KIRREL2: variants seen among roughly 807,000 people sequenced by gnomAD.
KIRREL2 encodes kirre like nephrin family adhesion molecule 2.
In KIRREL2, 56 loss-of-function variants were observed where a neutral mutation model predicts 73.4. That is an observed-to-expected ratio of 0.76 (90% CI 0.62 to 0.95). The LOEUF (loss-of-function observed/expected upper bound fraction) is 0.95, where lower values mean the gene tolerates loss of function less well. KIRREL2 is among the 40% of genes least tolerant of loss of function. The pLI is 0.00. For synonymous variants in KIRREL2, 407 were observed against 404.0 expected, an observed-to-expected ratio of 1.01 and a Z score of -0.09; for missense variants, 896 against 935.0, an observed-to-expected ratio of 0.96 and a Z score of 0.54.
At chr19:35,858,895 C>G in intron 4 of KIRREL2, 31 bp downstream of exon 4, 1 of 1,610,916 alleles carries the variant, frequency 6.2e-7, no homozygotes, top group South Asian at 1.1e-5. Flanking sequence ...CTAGCCTTTG[C>G]CCATTGAGGG....
intron 13 of KIRREL2, among the ~76,000 whole-genome samples, chr19:35,863,285 A>G (rs1013098179): frequency 6.6e-6 from 1 of 152,134 alleles, no homozygotes; most frequent in Non-Finnish European, 1.5e-5. Flanking sequence ...TGAACCGGGT[A>G]TGGTGGCATA....
chr19:35,864,764 TC>T, intron 14 of KIRREL2, 51 bp downstream of exon 14: 1 of 1,392,860 alleles, frequency 7.2e-7, no homozygotes, highest in Non-Finnish European at 1.0e-6. Context: ...GAGGCGGGGC[TC>T]CCTTCATTGT....
rs35569940 is a variant in KIRREL2, at chr19:35,865,173, C to CTTTTTT, written c.1791+475_1791+480dup. Among the ~76,000 whole-genome samples the CTTTTTT allele has an allele frequency of 1.4e-3, 146 of 105,156 alleles. 3 individuals carry two copies. Among genetic ancestry groups the CTTTTTT allele is most frequent in the African/African-American group, 3.0e-3 (76 of 25,398 alleles). 69.0% of individuals were successfully genotyped at this position (105,156 alleles called of 152,430 possible). Reference sequence around the variant, plus strand: ...CCTAGCACATGCCATTCTCTCTCTTCTTTTTTTTTTTTTTTTTTTTGAGAC... The same window carrying CTTTTTT: ...CCTAGCACATGCCATTCTCTCTCTTCTTTTTTTTTTTTTTTTTTTTTTTTTTGAGAC... On this transcript the variant is annotated intron_variant, in intron 14 of 14. Transcript: ENST00000360202.
Position 35,859,597 on chromosome 19 carries a change from A to T in KIRREL2, c.639A>T (p.Thr213=). Residue 213 remains threonine (T), a synonymous_variant, in exon 5 of 15, where the codon ACA becomes ACT. Transcript: ENST00000360202. Reference sequence around the variant, plus strand: ...GGGCCCGGAGCCAGGCCCTGCCCACAGGAAGAGACACAGCTATCACACTGA... The same window carrying T: ...GGGCCCGGAGCCAGGCCCTGCCCACTGGAAGAGACACAGCTATCACACTGA... ...VCRARSQALP[T]GRDTAITLSL... 2 of 1,614,104 alleles carry T rather than the reference A, an allele frequency of 1.2e-6. No individual in the cohort carries two copies. Among genetic ancestry groups the T allele is most frequent in the Non-Finnish European group, 1.7e-6 (2 of 1,180,026 alleles).
chr19:35,861,094 G>A (rs1322944306), intron 8 of KIRREL2, 28 bp from the exon 9 acceptor site: 4 of 1,606,186 alleles, frequency 2.5e-6, no homozygotes, highest in Non-Finnish European at 3.4e-6. Flanking sequence ...TTACAAATCC[G>A]GCTTCTGACG....
chr19:35,866,713 C>G lies in KIRREL2; in HGVS notation c.*221C>G, dbSNP rs1973987590. The G allele has an allele frequency of 1.6e-6, 1 of 615,318 alleles. No homozygotes were observed. The highest frequency in any genetic ancestry group is 2.8e-6 in the Non-Finnish European group (1 of 355,550). 38.1% of individuals were successfully genotyped at this position (615,318 alleles called of 1,614,324 possible). A position where few individuals can be genotyped will look rare whatever the true frequency, so the allele number is the denominator to read the frequency against. Reference sequence around the variant, plus strand: ...TGGCCACCCAATATGCCCACCTATTCCCCGGTGTAAAAGAGATTCAAGATG... The same window carrying G: ...TGGCCACCCAATATGCCCACCTATTGCCCGGTGTAAAAGAGATTCAAGATG... On this transcript the variant is annotated 3_prime_UTR_variant, in exon 15 of 15. Transcript: ENST00000360202.
rs35569940 is a variant in KIRREL2 at position 35,865,173 on chromosome 19, C to CTTTTTTT, written c.1791+474_1791+480dup. 8.4e-4 allele frequency among the ~76,000 whole-genome samples: 88 copies of CTTTTTTT among 105,160 alleles called. 1 individual carries two copies. The highest frequency in any genetic ancestry group is 1.7e-3 in the East Asian group (6 of 3,536). The allele number at this position is 105,160 out of a possible 152,430, so 69.0% of individuals were successfully genotyped here. The stretch of plus-strand genomic sequence containing the variant: ...CCTAGCACATGCCATTCTCTCTCTT[C>CTTTTTTT]TTTTTTTTTTTTTTTTTTTTGAGAC... On this transcript the variant is annotated intron_variant, in intron 14 of 14. Coordinates refer to ENST00000360202, the MANE Select transcript of KIRREL2 (RefSeq NM_199180.4).
upstream of KIRREL2, among the ~76,000 whole-genome samples, chr19:35,854,212 G>A (rs774743324): frequency 6.6e-6 from 1 of 151,972 alleles, no homozygotes; most frequent in Non-Finnish European, 1.5e-5. Flanking sequence ...GGCTTGTCTG[G>A]AACTCCTGGG....
At position 35,857,513 on chromosome 19, in the gene KIRREL2, C is replaced by A; in HGVS notation, c.211+19C>A. ...CTACCAGGTAAGAGTGTTCTCTCCACGCTGGGACGGGCTGGCTAGGGGGAG... is the reference window on the plus strand; with the variant it reads ...CTACCAGGTAAGAGTGTTCTCTCCAAGCTGGGACGGGCTGGCTAGGGGGAG... On this transcript the variant is annotated intron_variant, in intron 2 of 14. Transcript: ENST00000360202. 1 of 1,529,368 alleles carries A rather than the reference C, an allele frequency of 6.5e-7. No homozygotes were observed. The highest frequency in any genetic ancestry group is 8.8e-7 in the Non-Finnish European group (1 of 1,139,334). The allele number at this position is 1,529,368 out of a possible 1,614,324, so 94.7% of individuals were successfully genotyped here.
At chr19:35,862,432 T>C in intron 11 of KIRREL2, 61 bp from the exon 12 acceptor site, 1 of 1,262,954 alleles carries the variant, frequency 7.9e-7, no homozygotes, top group Non-Finnish European at 1.1e-6. Context: ...ACTCAATCCC[T>C]GAGCCCCCGC....
At chr19:35,863,494 C>T (rs1387585507) in intron 13 of KIRREL2, among the ~76,000 whole-genome samples, 1 of 150,690 alleles carries the variant, frequency 6.6e-6, no homozygotes, top group Non-Finnish European at 1.5e-5. Context: ...ACTCTGTCAC[C>T]CAGGCTGGAG....
At chr19:35,862,408 C>G (rs749075666) in intron 11 of KIRREL2, 85 bp from the exon 12 acceptor site, 257 of 1,031,576 alleles carry the variant, frequency 2.5e-4, no homozygotes, top group Non-Finnish European at 3.2e-4. Flanking sequence ...ACCTTTTGAA[C>G]CCAGGAATCC....
In KIRREL2 at chr19:35,858,549, A is replaced by G. The variant is rs1451662975; in HGVS notation, c.353A>G (p.His118Arg). ...CTCCGCTCCAGACCAGCCCAACTGC[A>G]CGTGCTGGGTAAGGACCTCGCCCAC... Reference protein sequence around the residue: ...AGLRSRPAQLHVLVPPEAPQV... With the variant: ...AGLRSRPAQLRVLVPPEAPQV... Residue 118 changes from histidine (H) to arginine (R), a missense_variant, in exon 3 of 15, where the codon CAC becomes CGC. By Grantham distance (29) the His-to-Arg change is conservative. Transcript: ENST00000360202. 1 of 1,614,034 alleles carries G rather than the reference A, an allele frequency of 6.2e-7. No individual in the cohort carries two copies. Among genetic ancestry groups the G allele is most frequent in the Non-Finnish European group, 8.5e-7 (1 of 1,180,042 alleles).
upstream of KIRREL2, among the ~76,000 whole-genome samples, chr19:35,853,604 G>A (rs619833): frequency 0.15 from 23,116 of 151,930 alleles, 4,114 homozygotes; most frequent in African/African-American, 0.44. Flanking sequence ...CCTGGGCTCA[G>A]GTGATCCTCC....
Position 35,861,884 on chromosome 19 carries a change from GC to G in KIRREL2, c.1372del (p.Arg458AlafsTer8). 3.8e-6 allele frequency: 6 copies of G among 1,599,426 alleles called. No homozygotes were observed. Among genetic ancestry groups the G allele is most frequent in the Non-Finnish European group, 4.3e-6 (5 of 1,173,458 alleles). The part of the protein sequence containing the change: ...FLVETFPAPE[S>X]RGGLGPGLIS... The stretch of plus-strand genomic sequence containing the variant: ...GTGGAGACATTCCCTGCCCCAGAGA[GC>G]CGCGGGGGACTGGGTCCGGGCCTGA... On this transcript the variant is annotated frameshift_variant, in exon 11 of 15. Coordinates refer to ENST00000360202, the MANE Select transcript of KIRREL2 (RefSeq NM_199180.4). LOFTEE classifies it high-confidence loss of function.
Position 35,864,459 on chromosome 19 carries a change from G to C in KIRREL2, c.1726-189G>C, listed in dbSNP as rs1273404991. Among the ~76,000 whole-genome samples, 3 of 152,058 alleles carry C rather than the reference G, an allele frequency of 2.0e-5. No individual in the cohort carries two copies. The South Asian group carries it at 6.2e-4, about 32-fold the overall frequency. On this transcript the variant is annotated intron_variant, in intron 13 of 14. Transcript: ENST00000360202. ...CCTGCTGCGGCCTCCCAAAGTGCTG[G>C]GATTACATGCATGAGCCACTGTGCT...
chr19:35,864,853 C>A (rs1005152516), intron 14 of KIRREL2, 140 bp downstream of exon 14: 95 of 655,462 alleles, frequency 1.4e-4, no homozygotes, highest in Non-Finnish European at 4.6e-5. Flanking sequence ...CTCCCCACCC[C>A]ACTCCTCCTG....
Position 35,861,033 on chromosome 19 carries a change from G to A in KIRREL2, c.1053G>A (p.Ala351=), listed in dbSNP as rs35854130. The change falls in exon 8 of 15, where the codon GCG becomes GCA. Residue 351 remains alanine (A), a synonymous_variant. Coordinates refer to ENST00000360202, the MANE Select transcript of KIRREL2 (RefSeq NM_199180.4). The part of the protein sequence containing the change: ...PRVTWTRRGG[A]QVLGSGATLR... Reference sequence around the variant, plus strand: ...TAACCTGGACCCGCCGCGGTGGCGCGCAGGTACAGCCCTAAATCTGAGGCG... The same window carrying A: ...TAACCTGGACCCGCCGCGGTGGCGCACAGGTACAGCCCTAAATCTGAGGCG... 1 of 1,610,440 alleles carries A rather than the reference G, an allele frequency of 6.2e-7. No homozygotes were observed. Among genetic ancestry groups the A allele is most frequent in the South Asian group, 1.1e-5 (1 of 90,902 alleles).
intron 13 of KIRREL2, among the ~76,000 whole-genome samples, chr19:35,863,922 C>T (rs1265152562): frequency 5.3e-5 from 8 of 151,996 alleles, no homozygotes; most frequent in African/African-American, 1.9e-4. Context: ...TACAGGCACC[C>T]GCCACCATGT....
Sources: gnomAD v4.1 joint callset for allele counts (sites outside exome capture counted in the v4.1 genomes callset) on GRCh38, gnomAD v4.1.1 for gene constraint, MANE v1.5 for transcripts, NCBI Gene and HGNC (gene_info 2026-07-23, HGNC 2026-07-21) for gene names.